The following ZNF536 variants were observed in gnomAD, a reference collection of about 807,000 sequenced individuals.
The protein encoded by ZNF536 is zinc finger protein 536.
A neutral mutation model predicts 84.5 loss-of-function variants in ZNF536; 13 were observed. The observed-to-expected ratio is 0.15, with a 90% CI of 0.10 to 0.24. ZNF536 has a LOEUF of 0.24. ZNF536 is among the 10% of genes least tolerant of loss of function. The probability of loss-of-function intolerance (pLI) is 1.00; values close to 1 mark genes in which losing one functional copy is unlikely to be tolerated. For synonymous variants in ZNF536, 811 were observed against 742.5 expected (o/e 1.09, Z -1.50); for missense variants, 1,536 against 1,747.5 (o/e 0.88, Z 2.16).
chr19:30,504,370 C>T lies in ZNF536; in HGVS notation c.2171-30477C>T, dbSNP rs146790822. ...CCTTCCTACTTCCTTCTCCCATTCC[C>T]TCTCTCCTTTCCTCTCCTCCTTCCT... On this transcript the variant is annotated intron_variant, in intron 2 of 4. Transcript: ENST00000355537. 8.0e-3 allele frequency among the ~76,000 whole-genome samples: 1,183 copies of T among 147,958 alleles called. 17 individuals are homozygous for T. Among genetic ancestry groups the T allele is most frequent in the Non-Finnish European group, 8.9e-3 (596 of 66,672 alleles).
chr19:30,528,556 G>A (rs1389205446), intron 2 of ZNF536, among the ~76,000 whole-genome samples: 4 of 152,140 alleles, frequency 2.6e-5, no homozygotes, highest in Non-Finnish European at 4.4e-5. Context: ...AATATAACCA[G>A]GATTTGTTTC....
intron 1 of ZNF536, among the ~76,000 whole-genome samples, chr19:30,428,644 T>C (rs1022827475): frequency 6.7e-6 from 1 of 149,746 alleles, no homozygotes; most frequent in Non-Finnish European, 1.5e-5. Context: ...GGCCTCTCCA[T>C]AGGACATAAC....
chr19:30,656,951 A>G (rs534347951), intron 1 of ZNF536, among the ~76,000 whole-genome samples: 63 of 152,294 alleles, frequency 4.1e-4, no homozygotes, highest in African/African-American at 1.4e-3. Context: ...TCCTTCACAA[A>G]GCCTCCTCCC....
chr19:30,603,097 G>A (rs1446134139), intron 1 of ZNF536, among the ~76,000 whole-genome samples: 2 of 152,152 alleles, frequency 1.3e-5, no homozygotes, highest in African/African-American at 4.8e-5. Flanking sequence ...AGCACAGGAA[G>A]GCAGAATCAT....
chr19:30,639,962 T>C (rs1429473954), intron 1 of ZNF536, among the ~76,000 whole-genome samples: 2 of 152,222 alleles, frequency 1.3e-5, no homozygotes, highest in Non-Finnish European at 2.9e-5. Flanking sequence ...ACTCACATAC[T>C]GGCCAGGTGC....
At chr19:30,561,532 C>A (rs530222941), downstream of ZNF536, among the ~76,000 whole-genome samples, 2 of 152,226 alleles carry the variant, frequency 1.3e-5, no homozygotes, top group Admixed American at 1.3e-4. Flanking sequence ...GGAGGTGACC[C>A]AGGAAGCATG....
chr19:30,375,553 T>A (rs926371719), intron 1 of ZNF536, among the ~76,000 whole-genome samples: 21 of 152,232 alleles, frequency 1.4e-4, no homozygotes, highest in African/African-American at 4.8e-4. Flanking sequence ...ACTCGCACAG[T>A]GCGCTGCGGC....
At chr19:30,572,581 G>T (rs1317634395) in intron 1 of ZNF536, among the ~76,000 whole-genome samples, 1 of 152,206 alleles carries the variant, frequency 6.6e-6, no homozygotes, top group Non-Finnish European at 1.5e-5. Flanking sequence ...ATGGTTACTT[G>T]TCCATGTACT....
chr19:30,651,027 C>A (rs763264001), intron 1 of ZNF536, among the ~76,000 whole-genome samples: 2 of 152,284 alleles, frequency 1.3e-5, no homozygotes, highest in East Asian at 3.9e-4. Context: ...CAGAATCTGG[C>A]CTCCAACTCA....
intron 1 of ZNF536, among the ~76,000 whole-genome samples, chr19:30,622,947 G>GTT (rs566308884): frequency 7.1e-6 from 1 of 141,016 alleles, no homozygotes; most frequent in African/African-American, 2.6e-5. Context: ...TCCTCCTAGA[G>GTT]TTTTTTTTTT....
intron 2 of ZNF536, among the ~76,000 whole-genome samples, chr19:30,467,354 T>C (rs1429638767): frequency 6.6e-6 from 1 of 152,218 alleles, no homozygotes; most frequent in Non-Finnish European, 1.5e-5. Flanking sequence ...CACATATAAG[T>C]AGAATCACAC....
intron 1 of ZNF536, among the ~76,000 whole-genome samples, chr19:30,566,654 CTG>C (rs1488484194): frequency 6.8e-6 from 1 of 148,126 alleles, no homozygotes; most frequent in Non-Finnish European, 1.5e-5. Flanking sequence ...GGATCCCTGC[CTG>C]TGGCCTCTCC....
intron 1 of ZNF536, among the ~76,000 whole-genome samples, chr19:30,408,825 A>G (rs1911698705): frequency 1.3e-5 from 2 of 151,188 alleles, no homozygotes; most frequent in Admixed American, 1.3e-4. Context: ...ATTATTCTCT[A>G]TCATCCATCC....
intron 1 of ZNF536, among the ~76,000 whole-genome samples, chr19:30,698,475 T>C (rs570501419): frequency 1.7e-4 from 26 of 152,216 alleles, no homozygotes; most frequent in Non-Finnish European, 3.4e-4. Context: ...TTTTATCCGA[T>C]GTCCTGTTCT....
intron 1 of ZNF536, among the ~76,000 whole-genome samples, chr19:30,386,226 A>G (rs1025560453): frequency 1.3e-5 from 2 of 152,156 alleles, no homozygotes; most frequent in African/African-American, 4.8e-5. Flanking sequence ...AGCCAGCTGA[A>G]AACTCACCTC....
intron 3 of ZNF536, among the ~76,000 whole-genome samples, chr19:30,540,932 GC>G (rs1029676645): frequency 4.6e-5 from 7 of 152,216 alleles, no homozygotes; most frequent in Non-Finnish European, 8.8e-5. Context: ...GGCTTCCTTG[GC>G]CCCACGTGCT....
rs113516602 is a variant in ZNF536, at chr19:30,536,134, C to A, written c.2323+1135C>A. On this transcript the variant is annotated intron_variant, in intron 3 of 4. Coordinates refer to ENST00000355537, the MANE Select transcript of ZNF536 (RefSeq NM_014717.3). ...TGGTCCTCCAGGTCCCACCACTCTC[C>A]CAAAAGGCCTCATGCGACCTGCCCA... Among the ~76,000 whole-genome samples, 1,041 of 152,280 alleles carry A rather than the reference C, an allele frequency of 6.8e-3. 10 individuals carry two copies. Among genetic ancestry groups the A allele is most frequent in the African/African-American group, 0.023 (969 of 41,554 alleles).
At chr19:30,519,521 T>C (rs60974185) in intron 2 of ZNF536, among the ~76,000 whole-genome samples, 465 of 152,270 alleles carry the variant, frequency 3.1e-3, no homozygotes, top group African/African-American at 0.011. Context: ...CACAAGGGAA[T>C]GGAGCCCTGG....
chr19:30,574,610 G>A (rs2081205662), intron 1 of ZNF536, among the ~76,000 whole-genome samples: 1 of 152,208 alleles, frequency 6.6e-6, no homozygotes, highest in Admixed American at 6.5e-5. Flanking sequence ...CTGGCTTCCG[G>A]TCAATCCAGC....
Sources: allele counts gnomAD v4.1 joint callset (sites outside exome capture counted in the v4.1 genomes callset), GRCh38; gene constraint gnomAD v4.1.1; transcripts MANE v1.5; gene names NCBI Gene and HGNC (gene_info 2026-07-23, HGNC 2026-07-21).